DLGAP2: variants seen among roughly 807,000 people sequenced by gnomAD.
DLGAP2 encodes the protein DLG associated protein 2, also known as disks large-associated protein 2.
A neutral mutation model predicts 100.3 loss-of-function variants in DLGAP2; 26 were observed. The observed-to-expected ratio is 0.26, with a 90% CI of 0.19 to 0.36. The LOEUF (loss-of-function observed/expected upper bound fraction) is 0.36. DLGAP2 is among the 10% of genes least tolerant of loss of function. The probability of loss-of-function intolerance (pLI) is 1.00; values close to 1 mark genes in which losing one functional copy is unlikely to be tolerated. For missense variants in DLGAP2, 1,858 were observed against 1,453.2 expected (o/e 1.28, Z -4.53); for synonymous variants, 886 against 630.1 (o/e 1.41, Z -6.08).
intron 3 of DLGAP2, among the ~76,000 whole-genome samples, chr8:1,276,636 G>A (rs1799703488): frequency 6.7e-6 from 1 of 150,284 alleles, no homozygotes; most frequent in African/African-American, 2.4e-5. Flanking sequence ...TCGGTGCTTT[G>A]ACTTCCCAGC....
At chr8:863,430 G>T (rs748482762) in intron 1 of DLGAP2, among the ~76,000 whole-genome samples, 2 of 152,166 alleles carry the variant, frequency 1.3e-5, no homozygotes, top group Admixed American at 6.5e-5. Context: ...TCTCATTTCT[G>T]TGTAAACAGA....
At chr8:1,162,331 C>T (rs115739787) in intron 2 of DLGAP2, among the ~76,000 whole-genome samples, 3,375 of 152,234 alleles carry the variant, frequency 0.022, 152 homozygotes, top group African/African-American at 0.077. Flanking sequence ...TTCTAGCCAG[C>T]GTGAATTGAG....
At chr8:1,012,718 C>G (rs1170849614) in intron 2 of DLGAP2, among the ~76,000 whole-genome samples, 2 of 133,550 alleles carry the variant, frequency 1.5e-5, no homozygotes, top group Non-Finnish European at 3.2e-5. Context: ...GCAGTGTGGA[C>G]ACCGTCCGAC....
intron 4 of DLGAP2, among the ~76,000 whole-genome samples, chr8:1,533,624 G>A (rs1216008182): frequency 1.3e-5 from 2 of 152,064 alleles, no homozygotes; most frequent in East Asian, 1.9e-4. Context: ...TTAAAATTTG[G>A]ATTTTAACTT....
chr8:1,038,870 GACTC>G (rs1802210752), intron 2 of DLGAP2, among the ~76,000 whole-genome samples: 1 of 152,140 alleles, frequency 6.6e-6, no homozygotes, highest in Non-Finnish European at 1.5e-5. Flanking sequence ...ACCTCATTGA[GACTC>G]AGTGTCATAT....
chr8:1,192,055 C>G (rs1797651705), intron 2 of DLGAP2, among the ~76,000 whole-genome samples: 1 of 152,182 alleles, frequency 6.6e-6, no homozygotes, highest in African/African-American at 2.4e-5. Context: ...CTGCCAGCCT[C>G]CCAGGGCTCT....
intron 1 of DLGAP2, among the ~76,000 whole-genome samples, chr8:871,442 T>C (rs2128991660): frequency 6.6e-6 from 1 of 152,352 alleles, no homozygotes; most frequent in East Asian, 1.9e-4. Flanking sequence ...CGTTGCTCAT[T>C]TTCCTACATG....
intron 3 of DLGAP2, among the ~76,000 whole-genome samples, chr8:1,446,038 G>A (rs1490502479): frequency 1.3e-4 from 19 of 151,316 alleles, no homozygotes; most frequent in African/African-American, 3.4e-4. Flanking sequence ...CCATTTTGTA[G>A]GTTGCCTGTT....
chr8:1,668,710 G>T, intron 9 of DLGAP2, 32 bp downstream of exon 9: 2 of 1,484,848 alleles, frequency 1.3e-6, no homozygotes, highest in Non-Finnish European at 1.8e-6. Flanking sequence ...TCAGGGCCTC[G>T]CTCCACTCAG....
At chr8:1,638,742 A>G (rs1357456474) in intron 8 of DLGAP2, among the ~76,000 whole-genome samples, 1 of 152,196 alleles carries the variant, frequency 6.6e-6, no homozygotes, top group Non-Finnish European at 1.5e-5. Flanking sequence ...GCCAGCATGC[A>G]GGCAGGGAGT....
intron 1 of DLGAP2, among the ~76,000 whole-genome samples, chr8:852,935 C>T (rs769752993): frequency 2.0e-5 from 3 of 152,216 alleles, no homozygotes; most frequent in Non-Finnish European, 4.4e-5. Context: ...ACTGGCTGTT[C>T]TTATGTGCAG....
At chr8:853,349 A>T (rs1365508827) in intron 1 of DLGAP2, among the ~76,000 whole-genome samples, 3 of 152,252 alleles carry the variant, frequency 2.0e-5, no homozygotes, top group Non-Finnish European at 4.4e-5. Context: ...GTGACCACGC[A>T]TGTCGTCCAA....
intron 3 of DLGAP2, 128 bp from the exon 4 acceptor site, chr8:1,501,238 T>C (rs1799711692): frequency 5.0e-6 from 5 of 996,894 alleles, no homozygotes; most frequent in Admixed American, 2.3e-5. Context: ...GCGGTGACGT[T>C]TGAAGAAATA....
intron 2 of DLGAP2, among the ~76,000 whole-genome samples, chr8:947,949 C>T (rs546309001): frequency 5.5e-5 from 8 of 145,048 alleles, no homozygotes; most frequent in South Asian, 2.2e-4. Flanking sequence ...CCACCGACCC[C>T]GTGCCAGCCC....
At chr8:1,651,313 A>G (rs966518543) in intron 8 of DLGAP2, among the ~76,000 whole-genome samples, 3 of 152,062 alleles carry the variant, frequency 2.0e-5, no homozygotes, top group Admixed American at 2.0e-4. Flanking sequence ...AGCCCAACCG[A>G]ATGAAGCGCT....
chr8:1,350,524 C>G lies in DLGAP2; in HGVS notation c.106+91641C>G, dbSNP rs1242993553. Among the ~76,000 whole-genome samples the G allele has an allele frequency of 1.6e-3, 123 of 76,876 alleles. 6 individuals are homozygous for G. Among genetic ancestry groups the G allele is most frequent in the Non-Finnish European group, 2.2e-3 (85 of 38,316 alleles). 50.4% of individuals were successfully genotyped at this position (76,876 alleles called of 152,430 possible). A position where few individuals can be genotyped will look rare whatever the true frequency, so the allele number is the denominator to read the frequency against. ...TGTGCGTGGAAAGGCCGTGCGGGTCCTGACAGTGCGTGGAAAGGCCGTGCG... is the reference window on the plus strand; with the variant it reads ...TGTGCGTGGAAAGGCCGTGCGGGTCGTGACAGTGCGTGGAAAGGCCGTGCG... On this transcript the variant is annotated intron_variant, in intron 3 of 14. Transcript: ENST00000637795.
chr8:1,303,147 C>A (rs547060392), intron 3 of DLGAP2, among the ~76,000 whole-genome samples: 1 of 152,162 alleles, frequency 6.6e-6, no homozygotes, highest in Admixed American at 6.5e-5. Context: ...CCTGTAATCC[C>A]AGCACTTTGG....
chr8:865,824 G>A (rs1797484141), intron 1 of DLGAP2, among the ~76,000 whole-genome samples: 1 of 152,150 alleles, frequency 6.6e-6, no homozygotes, highest in Non-Finnish European at 1.5e-5. Context: ...CAGCTACAGG[G>A]TCCTGAGCTT....
intron 2 of DLGAP2, among the ~76,000 whole-genome samples, chr8:1,111,949 A>T (rs192558479): frequency 1.3e-5 from 2 of 152,196 alleles, no homozygotes; most frequent in Non-Finnish European, 2.9e-5. Flanking sequence ...GTTGAATGGC[A>T]GTTCTGCTTG....
Sources: allele counts gnomAD v4.1 joint callset (sites outside exome capture counted in the v4.1 genomes callset), GRCh38; gene constraint gnomAD v4.1.1; transcripts MANE v1.5; gene names NCBI Gene and HGNC (gene_info 2026-07-23, HGNC 2026-07-21).